Variants in THSD7B observed in about 807,000 individuals in gnomAD.
The protein encoded by THSD7B is thrombospondin type-1 domain-containing protein 7B.
Under a neutral mutation model 213.6 loss-of-function variants are expected in THSD7B, and 138 were observed. That is an observed-to-expected ratio of 0.65 (90% CI 0.56 to 0.74). The LOEUF is 0.74. Among genes scored for constraint, THSD7B ranks in the 30% least tolerant of loss-of-function variants. THSD7B has a pLI of 0.00. For missense variants in THSD7B, 1,931 were observed against 1,991.5 expected (o/e 0.97, Z 0.58); for synonymous variants, 742 against 687.0 (o/e 1.08, Z -1.25).
intron 15 of THSD7B, among the ~76,000 whole-genome samples, chr2:137,533,151 C>T (rs1315403974): frequency 6.6e-6 from 1 of 151,650 alleles, no homozygotes; most frequent in Non-Finnish European, 1.5e-5. Context: ...TCATTTAAAT[C>T]ACCAAACTGC....
At chr2:137,504,162 C>T (rs1254096424) in intron 15 of THSD7B, among the ~76,000 whole-genome samples, 3 of 152,082 alleles carry the variant, frequency 2.0e-5, no homozygotes, top group Non-Finnish European at 4.4e-5. Flanking sequence ...ACTTCTGGTT[C>T]ATCTCAGTTC....
At position 137,233,111 on chromosome 2, in the gene THSD7B, G is replaced by T. The variant is rs763566457; in HGVS notation, c.2128G>T (p.Val710Leu). 46 of 1,613,482 alleles carry T rather than the reference G, an allele frequency of 2.9e-5. No individual in the cohort carries two copies. In the Admixed American group the frequency reaches 5.2e-4, roughly 18 times the overall value. Reference sequence around the variant, plus strand: ...GAGAGTCTTCTGTGTCAAGAGTCACGTGGGACAAGTAATGACCAAAAGGTA... The same window carrying T: ...GAGAGTCTTCTGTGTCAAGAGTCACTTGGGACAAGTAATGACCAAAAGGTA... ...TRRVFCVKSH[V>L]GQVMTKRCPD... Residue 710 changes from valine to leucine, a missense_variant, in exon 9 of 28, where the codon GTG becomes TTG. Coordinates refer to ENST00000409968, the MANE Select transcript of THSD7B (RefSeq NM_001316349.2).
At chr2:137,242,227 G>T (rs918220279) in intron 9 of THSD7B, among the ~76,000 whole-genome samples, 3 of 152,230 alleles carry the variant, frequency 2.0e-5, no homozygotes, top group Admixed American at 1.3e-4. Flanking sequence ...TTTTACTGGT[G>T]TAGTGAAAAG....
In THSD7B at chr2:136,799,219, A is replaced by C. The variant is rs574808670; in HGVS notation, c.-36+33532A>C. On this transcript the variant is annotated intron_variant, in intron 1 of 27. Coordinates refer to ENST00000409968, the MANE Select transcript of THSD7B (RefSeq NM_001316349.2). The stretch of plus-strand genomic sequence containing the variant: ...TTGGCTGGCCATGGGATTTTACCAC[A>C]ATGTCATTATTGCCCTCCACTGTAA... Among the ~76,000 whole-genome samples, 5 of 152,100 alleles carry C rather than the reference A, an allele frequency of 3.3e-5. No homozygotes were observed. The South Asian group carries it at 8.3e-4, about 25-fold the overall frequency.
chr2:136,880,602 A>T (rs925018803), intron 1 of THSD7B, among the ~76,000 whole-genome samples: 1 of 152,008 alleles, frequency 6.6e-6, no homozygotes, highest in Non-Finnish European at 1.5e-5. Flanking sequence ...TTTTTGGTAA[A>T]GGGATCCCAT....
intron 1 of THSD7B, among the ~76,000 whole-genome samples, chr2:136,835,846 G>C (rs1288980848): frequency 6.6e-6 from 1 of 152,140 alleles, no homozygotes; most frequent in Non-Finnish European, 1.5e-5. Flanking sequence ...ATCTATCCCT[G>C]ATAATGATGA....
chr2:137,242,487 G>T lies in THSD7B; in HGVS notation c.2181G>T (p.Val727=). The T allele has an allele frequency of 1.2e-6, 2 of 1,613,808 alleles. No individual in the cohort carries two copies. Among genetic ancestry groups the T allele is most frequent in the Non-Finnish European group, 1.7e-6 (2 of 1,179,794 alleles). ...RCPDSTRPET[V]RPCFLPCKKD... The stretch of plus-strand genomic sequence containing the variant: ...CAGATTCTACTCGACCTGAAACTGT[G>T]CGCCCCTGTTTTCTCCCATGCAAAA... The change falls in exon 10 of 28, where the codon GTG becomes GTT. Residue 727 remains valine (V), a synonymous_variant. Transcript: ENST00000409968.
chr2:137,457,756 A>G (rs1687790614), intron 15 of THSD7B, among the ~76,000 whole-genome samples: 1 of 152,224 alleles, frequency 6.6e-6, no homozygotes, highest in Non-Finnish European at 1.5e-5. Context: ...CATTGAAAGA[A>G]TAAGAATCTG....
intron 4 of THSD7B, among the ~76,000 whole-genome samples, chr2:137,100,067 C>G (rs1558920524): frequency 6.6e-6 from 1 of 151,432 alleles, no homozygotes; most frequent in Non-Finnish European, 1.5e-5. Context: ...TCCCTAACAT[C>G]TTTTTGAGGC....
chr2:137,585,210 T>A (rs144839746), intron 17 of THSD7B, among the ~76,000 whole-genome samples: 2,542 of 152,232 alleles, frequency 0.017, 67 homozygotes, highest in African/African-American at 0.059. Context: ...TTTTATTGCA[T>A]CTGTTTGATT....
chr2:137,157,057 C>T (rs1296439211), intron 5 of THSD7B, among the ~76,000 whole-genome samples: 1 of 152,126 alleles, frequency 6.6e-6, no homozygotes, highest in Non-Finnish European at 1.5e-5. Context: ...AGACAGAAAC[C>T]TGGTATGTTT....
chr2:137,112,304 A>C (rs1432218), intron 4 of THSD7B, among the ~76,000 whole-genome samples: 115,705 of 151,672 alleles, frequency 0.76, 44,688 homozygotes, highest in Non-Finnish European at 0.81. Context: ...ATATAGAAGT[A>C]GTTTATTGGT....
intron 12 of THSD7B, among the ~76,000 whole-genome samples, chr2:137,277,299 C>T (rs976096865): frequency 1.3e-5 from 2 of 151,990 alleles, no homozygotes; most frequent in African/African-American, 4.8e-5. Context: ...TATGAAATCT[C>T]TTTGGATTTC....
chr2:137,025,621 CT>C (rs934912007), intron 2 of THSD7B, among the ~76,000 whole-genome samples: 1 of 152,114 alleles, frequency 6.6e-6, no homozygotes, highest in African/African-American at 2.4e-5. Flanking sequence ...TGCTGTGCAT[CT>C]TGTGGCTCTG....
intron 1 of THSD7B, among the ~76,000 whole-genome samples, chr2:136,785,731 AG>A (rs1681832253): frequency 6.6e-6 from 1 of 152,218 alleles, no homozygotes; most frequent in Non-Finnish European, 1.5e-5. Context: ...AAGCCCTTAC[AG>A]CCCCAGTTCA....
At chr2:137,060,539 G>C (rs1300554617) in intron 3 of THSD7B, among the ~76,000 whole-genome samples, 1 of 151,708 alleles carries the variant, frequency 6.6e-6, no homozygotes, top group East Asian at 1.9e-4. Context: ...TTGGTGAAAG[G>C]TATAGGGTCT....
chr2:137,664,348 C>A (rs1308193434), intron 26 of THSD7B, among the ~76,000 whole-genome samples: 2 of 152,158 alleles, frequency 1.3e-5, no homozygotes, highest in Non-Finnish European at 1.5e-5. Flanking sequence ...CCTTACTGGA[C>A]CCATGGCTTA....
At chr2:137,097,269 T>A (rs1057219090) in intron 4 of THSD7B, among the ~76,000 whole-genome samples, 4 of 152,198 alleles carry the variant, frequency 2.6e-5, no homozygotes, top group Non-Finnish European at 5.9e-5. Context: ...GAAGTCAGAA[T>A]GGTACCTTCC....
chr2:137,262,211 T>C (rs936621639), intron 10 of THSD7B, among the ~76,000 whole-genome samples: 8 of 152,206 alleles, frequency 5.3e-5, no homozygotes, highest in Non-Finnish European at 5.9e-5. Flanking sequence ...TTTTCAGATA[T>C]ATAGTTCAAT....
Sources: gnomAD v4.1 joint callset for allele counts (sites outside exome capture counted in the v4.1 genomes callset) on GRCh38, gnomAD v4.1.1 for gene constraint, MANE v1.5 for transcripts, NCBI Gene and HGNC (gene_info 2026-07-23, HGNC 2026-07-21) for gene names.